The following RCHY1 variants were observed in gnomAD, a reference collection of about 807,000 sequenced individuals.
RCHY1 encodes the protein ring finger and CHY zinc finger domain containing 1.
In RCHY1, 21 loss-of-function variants were observed where a neutral mutation model predicts 41.6. The ratio of observed to expected loss-of-function variants is 0.51; its 90% CI spans 0.36 to 0.73. RCHY1 has a LOEUF of 0.73. RCHY1 is among the 30% of genes least tolerant of loss of function. RCHY1 has a pLI of 0.00. For missense variants in RCHY1, 265 were observed against 325.3 expected, an observed-to-expected ratio of 0.81 and a Z score of 1.43; for synonymous variants, 79 against 102.9, an observed-to-expected ratio of 0.77 and a Z score of 1.41.
intron 8 of RCHY1, 98 bp downstream of exon 8, chr4:75,490,483 G>GTATA (rs200764232): frequency 8.1e-6 from 7 of 864,812 alleles, no homozygotes; most frequent in Admixed American, 2.5e-5. Context: ...TGTCAAACCA[G>GTATA]TATATATATA....
At position 75,490,687 on chromosome 4, in the gene RCHY1, G is replaced by T. The variant is rs1332059184; in HGVS notation, c.551C>A (p.Pro184Gln). 2 of 1,606,498 alleles carry T rather than the reference G, an allele frequency of 1.2e-6. No homozygotes were observed. The highest frequency in any genetic ancestry group is 2.7e-5 in the African/African-American group (2 of 74,566). Residue 184 changes from proline to glutamine, a missense_variant, in exon 8 of 9, where the codon CCA (proline) becomes CAA (glutamine). By Grantham distance (76) the Pro-to-Gln change is moderately conservative. Transcript: ENST00000324439. ...EEMLKEGYRCPLCMHSALDMT... is the reference protein window; with the variant it reads ...EEMLKEGYRCQLCMHSALDMT... ...ATCTAAAGCAGAGTGCATACATAAT[G>T]GACATCTGTAGCCTCTGAAAGAGAT...
intron 8 of RCHY1, among the ~76,000 whole-genome samples, chr4:75,483,341 GA>G (rs1721688018): frequency 6.6e-6 from 1 of 152,098 alleles, no homozygotes; most frequent in Non-Finnish European, 1.5e-5. Context: ...ATAATAAGCA[GA>G]AAATTTCCAA....
chr4:75,491,141 G>GGAT (rs1239943757), intron 7 of RCHY1: 3 of 158,856 alleles, frequency 1.9e-5, no homozygotes, highest in African/African-American at 7.2e-5. Flanking sequence ...TCAATATGTA[G>GGAT]GACCAAAATA....
At chr4:75,503,294 G>A (rs1443550417) in intron 3 of RCHY1, among the ~76,000 whole-genome samples, 1 of 152,060 alleles carries the variant, frequency 6.6e-6, no homozygotes, top group East Asian at 1.9e-4. Context: ...TATAATGATG[G>A]TGAAATCAAT....
chr4:75,495,110 A>G (rs1723078512), intron 3 of RCHY1, among the ~76,000 whole-genome samples: 1 of 151,870 alleles, frequency 6.6e-6, no homozygotes, highest in South Asian at 2.1e-4. Context: ...ACCAATATCA[A>G]TTTTTTATTT....
rs987545863 is a variant in RCHY1, at chr4:75,481,214, T to C, written c.*1324A>G. 5.3e-5 allele frequency: 8 copies of C among 152,148 alleles called. No individual in the cohort carries two copies. The highest frequency in any genetic ancestry group is 1.9e-4 in the African/African-American group (8 of 41,440). The allele number at this position is 152,148 out of a possible 1,614,324, so 9.4% of individuals were successfully genotyped here. A position where few individuals can be genotyped will look rare whatever the true frequency, so the allele number is the denominator to read the frequency against. On this transcript the variant is annotated 3_prime_UTR_variant, in exon 9 of 9. Coordinates refer to ENST00000324439, the MANE Select transcript of RCHY1 (RefSeq NM_015436.4). ...TGCTGCCTTTATCTAGGTGAATAAA[T>C]TTCAACAAAAGAAGAAATAAATGTG... is the stretch of plus-strand genomic sequence containing the variant.
intron 1 of RCHY1, 135 bp downstream of exon 1, chr4:75,514,062 C>T (rs1362158853): frequency 1.4e-6 from 2 of 1,391,446 alleles, no homozygotes; most frequent in African/African-American, 1.4e-5. Flanking sequence ...TCAAGAAGAA[C>T]CCAGTTCCAG....
In RCHY1 at chr4:75,509,250, T is replaced by C. The variant is rs1401904871; in HGVS notation, c.137A>G (p.Asn46Ser). Residue 46 changes from asparagine (N) to serine (S), a missense_variant, in exon 2 of 9, where the codon AAC (asparagine) becomes AGC (serine). Asn to Ser is a conservative substitution (Grantham distance 46). Transcript: ENST00000324439. ...GCGATCTAGTTGATGATCTTCATTG[T>C]TATCATGACACAAGCGGCAAGTATA... ...KLYTCRLCHD[N>S]NEDHQLDRFK... 3.1e-6 allele frequency: 5 copies of C among 1,613,502 alleles called. No homozygotes were observed. Among genetic ancestry groups the C allele is most frequent in the Non-Finnish European group, 4.2e-6 (5 of 1,179,644 alleles).
At chr4:75,488,460 C>T (rs973872892) in intron 8 of RCHY1, among the ~76,000 whole-genome samples, 24 of 152,098 alleles carry the variant, frequency 1.6e-4, no homozygotes, top group Non-Finnish European at 3.1e-4. Flanking sequence ...AGGACTTGGA[C>T]TGGATAACAA....
chr4:75,497,712 A>G (rs1329641868), intron 3 of RCHY1, among the ~76,000 whole-genome samples: 1 of 152,130 alleles, frequency 6.6e-6, no homozygotes, highest in Admixed American at 6.6e-5. Context: ...AAGGAGGAGG[A>G]CCGAAAAAAC....
chr4:75,512,944 C>G (rs935590704), intron 1 of RCHY1, among the ~76,000 whole-genome samples: 3 of 150,430 alleles, frequency 2.0e-5, no homozygotes, highest in African/African-American at 4.9e-5. Context: ...TGTTTGACAC[C>G]TAGGGCGAAG....
Position 75,494,120 on chromosome 4 carries a change from T to C in RCHY1, c.386A>G (p.Asn129Ser). ...CLKCNLCLAM[N>S]LQGRHKCIEN... is the part of the protein sequence containing the mutation. ...ATATACCTTGTGTCTTCCTTGAAGA[T>C]TCATAGCTAGGCATAAGTTACATTT... The change falls in exon 4 of 9, where the codon AAT becomes AGT. Residue 129 changes from asparagine (N) to serine (S), a missense_variant. Asn to Ser is a conservative substitution (Grantham distance 46). Coordinates refer to ENST00000324439, the MANE Select transcript of RCHY1 (RefSeq NM_015436.4). The C allele has an allele frequency of 6.4e-7, 1 of 1,560,324 alleles. No homozygotes were observed. Among genetic ancestry groups the C allele is most frequent in the Non-Finnish European group, 8.6e-7 (1 of 1,157,320 alleles).
At chr4:75,509,713 G>A (rs769792633) in intron 1 of RCHY1, 5 of 167,724 alleles carry the variant, frequency 3.0e-5, no homozygotes, top group East Asian at 1.7e-4. Flanking sequence ...TGCCATTCTC[G>A]TGATAATGAA....
chr4:75,498,481 C>CA lies in RCHY1; in HGVS notation c.327-4303dup, dbSNP rs57789217. 7.6e-3 allele frequency among the ~76,000 whole-genome samples: 522 copies of CA among 68,358 alleles called. 5 individuals are homozygous for CA. Among genetic ancestry groups the CA allele is most frequent in the East Asian group, 0.021 (50 of 2,354 alleles). 44.8% of individuals were successfully genotyped at this position (68,358 alleles called of 152,430 possible). A position where few individuals can be genotyped will look rare whatever the true frequency, so the allele number is the denominator to read the frequency against. ...CCTGAATAGTCAAAGCAATCCTGAGCAAAAAAAAAAAAAAAAAACATAACT... is the reference window on the plus strand; with the variant it reads ...CCTGAATAGTCAAAGCAATCCTGAGCAAAAAAAAAAAAAAAAAAACATAACT... On this transcript the variant is annotated intron_variant, in intron 3 of 8. Coordinates refer to ENST00000324439, the MANE Select transcript of RCHY1 (RefSeq NM_015436.4).
chr4:75,496,559 A>T (rs1723227980), intron 3 of RCHY1, among the ~76,000 whole-genome samples: 1 of 152,168 alleles, frequency 6.6e-6, no homozygotes, highest in Admixed American at 6.6e-5. Flanking sequence ...GGCTAGGAAC[A>T]GTGCCTGATC....
At chr4:75,508,282 G>A (rs1268692807) in intron 3 of RCHY1, among the ~76,000 whole-genome samples, 2 of 152,010 alleles carry the variant, frequency 1.3e-5, no homozygotes, top group East Asian at 3.9e-4. Context: ...TTACATACAT[G>A]CTTTAATATA....
rs1721514604 is a variant in RCHY1 at position 75,481,443 on chromosome 4, T to G, written c.*1095A>C. The stretch of plus-strand genomic sequence containing the variant: ...GGATCATCAAACATATTTGTTAACT[T>G]TGTTCCTGAAGTAAGAGGTATATTT... On this transcript the variant is annotated 3_prime_UTR_variant, in exon 9 of 9. Transcript: ENST00000324439. 1 of 152,176 alleles carries G rather than the reference T, an allele frequency of 6.6e-6. No individual in the cohort carries two copies. The highest frequency in any genetic ancestry group is 2.1e-4 in the South Asian group (1 of 4,832). The allele number at this position is 152,176 out of a possible 1,614,324, so 9.4% of individuals were successfully genotyped here. A position where few individuals can be genotyped will look rare whatever the true frequency, so the allele number is the denominator to read the frequency against.
At chr4:75,507,460 A>G (rs974311498) in intron 3 of RCHY1, among the ~76,000 whole-genome samples, 1 of 152,048 alleles carries the variant, frequency 6.6e-6, no homozygotes, top group African/African-American at 2.4e-5. Context: ...TACTAAGGCA[A>G]TAGAAACTAC....
At chr4:75,511,170 T>C (rs1234768541) in intron 1 of RCHY1, among the ~76,000 whole-genome samples, 1 of 152,208 alleles carries the variant, frequency 6.6e-6, no homozygotes, top group African/African-American at 2.4e-5. Flanking sequence ...ATCTGGAGAA[T>C]ACCAGTTCAG....
Sources: gnomAD v4.1 joint callset for allele counts (sites outside exome capture counted in the v4.1 genomes callset) on GRCh38, gnomAD v4.1.1 for gene constraint, MANE v1.5 for transcripts, NCBI Gene and HGNC (gene_info 2026-07-23, HGNC 2026-07-21) for gene names.